Variants in VRK3 observed in about 807,000 individuals in gnomAD.
VRK3 encodes VRK serine/threonine kinase 3.
Under a neutral mutation model 60.4 loss-of-function variants are expected in VRK3, and 50 were observed. That is an observed-to-expected ratio of 0.83 (90% CI 0.66 to 1.05). The LOEUF (loss-of-function observed/expected upper bound fraction) is 1.05, where lower values mean the gene tolerates loss of function less well. Ranked by LOEUF, VRK3 falls within the 50% of genes least tolerant of loss-of-function variation. The pLI is 0.00. For synonymous variants in VRK3, 246 were observed against 227.8 expected (o/e 1.08, Z -0.72); for missense variants, 549 against 585.3 (o/e 0.94, Z 0.64).
intron 12 of VRK3, 117 bp from the exon 13 acceptor site, chr19:49,981,130 C>T: frequency 3.2e-6 from 3 of 948,928 alleles, no homozygotes; most frequent in Non-Finnish European, 4.9e-6. Context: ...CCTCTGCCAT[C>T]CAGGGAAGTT....
At chr19:50,003,560 T>TTA (rs1457061993) in intron 5 of VRK3, among the ~76,000 whole-genome samples, 1 of 152,194 alleles carries the variant, frequency 6.6e-6, no homozygotes, top group East Asian at 1.9e-4. Context: ...ATATATGACA[T>TTA]TATAGTTCAG....
chr19:49,997,668 G>T, intron 6 of VRK3, 98 bp from the exon 7 acceptor site: 8 of 1,366,864 alleles, frequency 5.9e-6, no homozygotes, highest in Non-Finnish European at 8.1e-6. Context: ...CAATGACCAG[G>T]CTCCTCATCA....
Position 49,981,813 on chromosome 19 carries a change from C to T in VRK3, c.1218-800G>A, listed in dbSNP as rs142006458. ...ACACAGACACACACACACACACACA[C>T]GCACACTGGTCAGGGAGCTCGTGGC... On this transcript the variant is annotated intron_variant, in intron 12 of 14. Transcript: ENST00000316763. 4.4e-4 allele frequency: 503 copies of T among 1,148,930 alleles called. No homozygotes were observed. In the Middle Eastern group the frequency reaches 8.5e-3, roughly 19 times the overall value. The allele number at this position is 1,148,930 out of a possible 1,614,324, so 71.2% of individuals were successfully genotyped here.
chr19:50,006,694 T>C (rs2076897800), intron 5 of VRK3, among the ~76,000 whole-genome samples: 1 of 152,304 alleles, frequency 6.6e-6, no homozygotes, highest in Middle Eastern at 3.4e-3. Context: ...ATAACTTTTA[T>C]GTGAGTTTTA....
At chr19:49,980,332 T>A (rs2076401511) in intron 13 of VRK3, among the ~76,000 whole-genome samples, 1 of 152,092 alleles carries the variant, frequency 6.6e-6, no homozygotes, top group South Asian at 2.1e-4. Flanking sequence ...CTGTGGTGCA[T>A]CTATAAGGAA....
chr19:50,024,011 C>T (rs1181201066), intron 1 of VRK3, among the ~76,000 whole-genome samples: 1 of 152,226 alleles, frequency 6.6e-6, no homozygotes, highest in African/African-American at 2.4e-5. Flanking sequence ...CCTCAGCTCA[C>T]TTGCAACCTC....
intron 9 of VRK3, among the ~76,000 whole-genome samples, chr19:49,993,241 G>A (rs901673064): frequency 6.6e-6 from 1 of 152,164 alleles, no homozygotes; most frequent in Non-Finnish European, 1.5e-5. Context: ...GAGGGAAAAG[G>A]GGTTAATGTC....
chr19:50,005,425 T>C (rs533481150), intron 5 of VRK3, among the ~76,000 whole-genome samples: 5 of 149,772 alleles, frequency 3.3e-5, no homozygotes, highest in South Asian at 2.1e-4. Context: ...CCTGGAAAAC[T>C]TGGAAGATTC....
At chr19:50,006,577 G>A (rs968934928) in intron 5 of VRK3, among the ~76,000 whole-genome samples, 29 of 151,918 alleles carry the variant, frequency 1.9e-4, no homozygotes, top group Admixed American at 1.3e-3. Context: ...GGGTTTCACC[G>A]CGTTAGCCAG....
intron 8 of VRK3, 64 bp downstream of exon 8, chr19:49,995,127 T>C: frequency 6.4e-7 from 1 of 1,555,074 alleles, no homozygotes; most frequent in Non-Finnish European, 8.8e-7. Context: ...CAGCCATGCC[T>C]GGAGTCACAA....
At chr19:49,981,799 C>G in intron 12 of VRK3, 2 of 1,083,050 alleles carry the variant, frequency 1.8e-6, no homozygotes, top group Non-Finnish European at 1.1e-6. Context: ...CACAGACACA[C>G]ACACACACAC....
At chr19:50,014,458 C>T (rs10420790) in intron 3 of VRK3, among the ~76,000 whole-genome samples, 7,982 of 152,112 alleles carry the variant, frequency 0.052, 690 homozygotes, top group African/African-American at 0.18. Context: ...ATTTGGGAGG[C>T]TGAGGCAGGA....
At chr19:50,014,199 G>A (rs926693302) in intron 3 of VRK3, among the ~76,000 whole-genome samples, 19 of 152,120 alleles carry the variant, frequency 1.2e-4, no homozygotes, top group African/African-American at 3.9e-4. Flanking sequence ...CTCGGGAGGC[G>A]GAGATTGCAG....
At chr19:49,996,804 A>G (rs746864963) in intron 7 of VRK3, among the ~76,000 whole-genome samples, 1 of 148,948 alleles carries the variant, frequency 6.7e-6, no homozygotes, top group Non-Finnish European at 1.5e-5. Context: ...TTTAGTAGAG[A>G]TGGGGTTTCA....
intron 1 of VRK3, among the ~76,000 whole-genome samples, chr19:50,022,760 C>T (rs2077192022): frequency 6.6e-6 from 1 of 152,176 alleles, no homozygotes; most frequent in East Asian, 1.9e-4. Context: ...CACCGCTGCA[C>T]TCCAGCCTGG....
intron 3 of VRK3, among the ~76,000 whole-genome samples, chr19:50,012,272 C>T (rs536942144): frequency 2.0e-5 from 3 of 152,152 alleles, no homozygotes; most frequent in African/African-American, 7.2e-5. Context: ...GTGCCTGGCC[C>T]ATTCTTCTTC....
In VRK3 at chr19:49,994,848, G is replaced by A; in HGVS notation, c.836C>T (p.Ser279Leu). ...ALDVSPKHVL[S>L]ERSVLQVACR... ...GGCCACCTGCAGCACAGACCTCTCT[G>A]ACAGCACATGCTTTGGGCTGACATC... Residue 279 changes from serine (S) to leucine (L), a missense_variant, in exon 9 of 15, where the codon TCA becomes TTA. Coordinates refer to ENST00000316763, the MANE Select transcript of VRK3 (RefSeq NM_016440.4). 1 of 1,614,146 alleles carries A rather than the reference G, an allele frequency of 6.2e-7. No homozygotes were observed. Among genetic ancestry groups the A allele is most frequent in the Non-Finnish European group, 8.5e-7 (1 of 1,180,020 alleles).
chr19:50,010,019 C>T (rs1257229544), intron 3 of VRK3, among the ~76,000 whole-genome samples: 1 of 151,836 alleles, frequency 6.6e-6, no homozygotes, highest in Non-Finnish European at 1.5e-5. Flanking sequence ...TTTAAACCAC[C>T]CACCGAGTTT....
At chr19:50,024,479 T>C (rs1046315757) in intron 1 of VRK3, among the ~76,000 whole-genome samples, 11 of 152,354 alleles carry the variant, frequency 7.2e-5, no homozygotes, top group Admixed American at 3.9e-4. Context: ...TTTAAAGTTA[T>C]AGATAAGGGA....
Sources: allele counts gnomAD v4.1 joint callset (sites outside exome capture counted in the v4.1 genomes callset), GRCh38; gene constraint gnomAD v4.1.1; transcripts MANE v1.5; gene names NCBI Gene and HGNC (gene_info 2026-07-23, HGNC 2026-07-21).